Variants in KIF15 observed in about 807,000 individuals in gnomAD.
KIF15 encodes kinesin family member 15, also known as kinesin-like protein KIF15.
Under a neutral mutation model 190.6 loss-of-function variants are expected in KIF15, and 140 were observed. The ratio of observed to expected loss-of-function variants is 0.73; its 90% confidence interval spans 0.64 to 0.84. KIF15 has a LOEUF of 0.84. Among genes scored for constraint, KIF15 ranks in the 40% least tolerant of loss-of-function variants. KIF15 has a pLI of 0.00. For missense variants in KIF15, 1,372 were observed against 1,584.4 expected (o/e 0.87, Z 2.28); for synonymous variants, 528 against 551.3 (o/e 0.96, Z 0.59).
At chr3:44,864,160 A>G in intron 6 of KIF15, 9 of 1,611,846 alleles carry the variant, frequency 5.6e-6, no homozygotes, top group Non-Finnish European at 7.6e-6. Context: ...GTTGCTGCCC[A>G]GGGTGGACGT....
intron 3 of KIF15, among the ~76,000 whole-genome samples, chr3:44,776,063 G>C (rs1157705089): frequency 1.3e-5 from 2 of 148,382 alleles, no homozygotes; most frequent in African/African-American, 5.0e-5. Flanking sequence ...CTGGGCAACA[G>C]AGCAAGACTC....
intron 22 of KIF15, 133 bp from the exon 23 acceptor site, chr3:44,827,326 C>G (rs888095345): frequency 1.6e-6 from 1 of 628,292 alleles, no homozygotes; most frequent in African/African-American, 1.8e-5. Flanking sequence ...TCTGATCCCC[C>G]CGGAAGGTAA....
intron 16 of KIF15, among the ~76,000 whole-genome samples, chr3:44,806,324 G>C (rs1479027801): frequency 6.6e-6 from 1 of 152,210 alleles, no homozygotes; most frequent in Admixed American, 6.5e-5. Flanking sequence ...AAATGAGATA[G>C]ATAAGCTGCC....
Position 44,826,476 on chromosome 3 carries a change from T to C in KIF15, c.2786+16T>C, listed in dbSNP as rs114879894. The stretch of plus-strand genomic sequence containing the variant: ...ACAGTTCTAAGTGAGTGCTATTTAT[T>C]TTTTCTACTAGCATACTAGAATATT... On this transcript the variant is annotated intron_variant, in intron 22 of 34. Coordinates refer to ENST00000326047, the MANE Select transcript of KIF15 (RefSeq NM_020242.3). 4.1e-3 allele frequency: 6,200 copies of C among 1,508,794 alleles called. 157 individuals carry two copies. In the African/African-American group the frequency reaches 0.066, roughly 16 times the overall value. The allele number at this position is 1,508,794 out of a possible 1,614,324, so 93.5% of individuals were successfully genotyped here. A position where few individuals can be genotyped will look rare whatever the true frequency, so the allele number is the denominator to read the frequency against.
rs555444028 is a variant in KIF15 at position 44,843,575 on chromosome 3, C to A, written c.3695+341C>A. 2.0e-5 allele frequency among the ~76,000 whole-genome samples: 3 copies of A among 152,274 alleles called. No individual in the cohort carries two copies. In the South Asian group the frequency reaches 6.2e-4, roughly 32 times the overall value. On this transcript the variant is annotated intron_variant, in intron 30 of 34. Transcript: ENST00000326047. The stretch of plus-strand genomic sequence containing the variant: ...GCCTTGCAGAGAAAGGGAGAATTCC[C>A]TACTAGTTGGCTTTGCTTCGTAACT...
chr3:44,821,457 G>A (rs996119149), intron 20 of KIF15, among the ~76,000 whole-genome samples: 5 of 151,924 alleles, frequency 3.3e-5, no homozygotes, highest in East Asian at 1.9e-4. Context: ...GGTTGCGGCC[G>A]GGTAGAGGCA....
chr3:44,775,272 C>T lies in KIF15; in HGVS notation c.81C>T (p.Ile27=). Residue 27 remains isoleucine (I), a synonymous_variant, in exon 3 of 35, where the codon ATC becomes ATT. Coordinates refer to ENST00000326047, the MANE Select transcript of KIF15 (RefSeq NM_020242.3). ...SNQPSNEGDA[I]KVFVRIRPPA... ...TCTTTAGTAATGAAGGTGATGCCATCAAAGTTTTTGTGCGAATTCGTCCTC... is the reference window on the plus strand; with the variant it reads ...TCTTTAGTAATGAAGGTGATGCCATTAAAGTTTTTGTGCGAATTCGTCCTC... 6.2e-7 allele frequency: 1 copy of T among 1,613,366 alleles called. No homozygotes were observed. The highest frequency in any genetic ancestry group is 8.5e-7 in the Non-Finnish European group (1 of 1,179,734).
At chr3:44,792,774 C>T (rs977937699) in intron 7 of KIF15, among the ~76,000 whole-genome samples, 12 of 152,096 alleles carry the variant, frequency 7.9e-5, no homozygotes, top group Admixed American at 5.2e-4. Context: ...TCTCGGTCTC[C>T]TGACCTCATG....
intron 30 of KIF15, among the ~76,000 whole-genome samples, chr3:44,846,890 G>C (rs1017649789): frequency 6.6e-6 from 1 of 151,974 alleles, no homozygotes; most frequent in Non-Finnish European, 1.5e-5. Context: ...TAGCTCAGGG[G>C]CCTAATTCAG....
rs536514634 is a variant in KIF15 at position 44,794,036 on chromosome 3, G to A, written c.640-181G>A. 3.7e-4 allele frequency among the ~76,000 whole-genome samples: 56 copies of A among 152,026 alleles called. No individual in the cohort carries two copies. The South Asian group carries it at 0.011, about 31-fold the overall frequency. On this transcript the variant is annotated intron_variant, in intron 7 of 34. Transcript: ENST00000326047. ...GCTAGGACTACAGGTTCCTGCCACTGTACATAGCAAATTATTATTTTTTGT... is the reference window on the plus strand; with the variant it reads ...GCTAGGACTACAGGTTCCTGCCACTATACATAGCAAATTATTATTTTTTGT...
At position 44,784,339 on chromosome 3, in the gene KIF15, C is replaced by CT. The variant is rs989998290; in HGVS notation, c.362-496dup. ...AGGCGCCCGCTACCACGCCCGGCTACTTTTTTTTTTGTATTTTTAGTAACG... is the reference window on the plus strand; with the variant it reads ...AGGCGCCCGCTACCACGCCCGGCTACTTTTTTTTTTTGTATTTTTAGTAACG... On this transcript the variant is annotated intron_variant, in intron 5 of 34. Coordinates refer to ENST00000326047, the MANE Select transcript of KIF15 (RefSeq NM_020242.3). Among the ~76,000 whole-genome samples the CT allele has an allele frequency of 3.3e-3, 490 of 148,564 alleles. 7 individuals carry two copies. Among genetic ancestry groups the CT allele is most frequent in the African/African-American group, 0.011 (453 of 40,716 alleles).
chr3:44,772,631 T>A (rs966499895), intron 1 of KIF15, among the ~76,000 whole-genome samples: 10 of 152,250 alleles, frequency 6.6e-5, no homozygotes, highest in Non-Finnish European at 1.0e-4. Flanking sequence ...ACATTAGCCA[T>A]GCAAAGTGGC....
In KIF15 at chr3:44,805,890, A is replaced by T. The variant is rs776331586; in HGVS notation, c.1875A>T (p.Lys625Asn). Residue 625 changes from lysine (K) to asparagine (N), a missense_variant, in exon 16 of 35, where the codon AAA becomes AAT. By Grantham distance (94) the Lys-to-Asn change is moderately conservative. Coordinates refer to ENST00000326047, the MANE Select transcript of KIF15 (RefSeq NM_020242.3). ...AATCAGAGCTTCAGTCTTTGCAAAA[A>T]GCGAACCTTAATCTTGAAAACCTTT... ...ELESELQSLQKANLNLENLLE... is the reference protein window; with the variant it reads ...ELESELQSLQNANLNLENLLE... 6.2e-7 allele frequency: 1 copy of T among 1,614,202 alleles called. No individual in the cohort carries two copies. Among genetic ancestry groups the T allele is most frequent in the East Asian group, 2.2e-5 (1 of 44,886 alleles).
intron 6 of KIF15, chr3:44,864,166 G>A: frequency 6.2e-7 from 1 of 1,612,424 alleles, no homozygotes; most frequent in Non-Finnish European, 8.5e-7. Context: ...GCCCAGGGTG[G>A]ACGTGGCTGC....
At chr3:44,779,254 C>G (rs1457758161) in intron 4 of KIF15, among the ~76,000 whole-genome samples, 1 of 152,126 alleles carries the variant, frequency 6.6e-6, no homozygotes, top group African/African-American at 2.4e-5. Flanking sequence ...CTGGGCTCAT[C>G]TTGTGTTTTC....
chr3:44,840,453 C>T lies in KIF15; in HGVS notation c.3417C>T (p.Pro1139=). ...TGATGGATTCTGCTGCTGAGGATCC[C>T]CAGGTACTTTTCAGAAAAAGATTAT... The part of the protein sequence containing the change: ...EHVMDSAAED[P]QSPKTPPHFQ... Residue 1139 remains proline, a synonymous_variant, in exon 28 of 35, where the codon CCC becomes CCT. Transcript: ENST00000326047. 19 of 1,580,282 alleles carry T rather than the reference C, an allele frequency of 1.2e-5. 1 individual carries two copies. In the South Asian group the frequency reaches 2.2e-4, roughly 18 times the overall value.
intron 6 of KIF15, among the ~76,000 whole-genome samples, chr3:44,866,077 T>G (rs1234230441): frequency 7.5e-6 from 1 of 133,156 alleles, no homozygotes; most frequent in African/African-American, 2.6e-5. Flanking sequence ...TTTGTTTTTT[T>G]GGGTTTTTTT....
At chr3:44,829,215 G>A (rs1235279484) in intron 24 of KIF15, among the ~76,000 whole-genome samples, 1 of 150,692 alleles carries the variant, frequency 6.6e-6, no homozygotes, top group East Asian at 1.9e-4. Context: ...AAATTAGCTG[G>A]GCATGGTGGC....
At chr3:44,778,088 T>C (rs1238259270) in intron 3 of KIF15, 27 bp from the exon 4 acceptor site, 4 of 1,587,916 alleles carry the variant, frequency 2.5e-6, no homozygotes, top group South Asian at 1.1e-5. Flanking sequence ...TTTTATGATA[T>C]GTTAACATGT....
Sources: gnomAD v4.1 joint callset for allele counts (sites outside exome capture counted in the v4.1 genomes callset) on GRCh38, gnomAD v4.1.1 for gene constraint, MANE v1.5 for transcripts, NCBI Gene and HGNC (gene_info 2026-07-23, HGNC 2026-07-21) for gene names.